MCTP2: variants seen among roughly 807,000 people sequenced by gnomAD.
MCTP2 encodes the protein multiple C2 and transmembrane domain containing 2, also known as multiple C2 and transmembrane domain-containing protein 2.
In MCTP2, 132 loss-of-function variants were observed where a neutral mutation model predicts 111.6. The observed-to-expected ratio is 1.18, with a 90% CI of 1.03 to 1.37. The LOEUF is 1.37. Ranked by LOEUF, MCTP2 falls within the 40% of genes most tolerant of loss-of-function variation. The pLI is 0.00. For missense variants in MCTP2, 1,183 were observed against 1,067.9 expected, an observed-to-expected ratio of 1.11 and a Z score of -1.50; for synonymous variants, 395 against 387.7, an observed-to-expected ratio of 1.02 and a Z score of -0.22.
chr15:94,361,472 T>C (rs2078938981), intron 10 of MCTP2, among the ~76,000 whole-genome samples: 1 of 152,284 alleles, frequency 6.6e-6, no homozygotes, highest in East Asian at 1.9e-4. Flanking sequence ...AGTCTGGCTC[T>C]GTATCTGTAT....
At chr15:94,478,409 G>T (rs1173067574) in intron 22 of MCTP2, among the ~76,000 whole-genome samples, 1 of 152,086 alleles carries the variant, frequency 6.6e-6, no homozygotes. Context: ...TTGCCACTGG[G>T]GACTCCCAAG....
intron 17 of MCTP2, among the ~76,000 whole-genome samples, chr15:94,439,532 G>A (rs1005661271): frequency 6.6e-6 from 1 of 152,078 alleles, no homozygotes; most frequent in Non-Finnish European, 1.5e-5. Flanking sequence ...CCATCTACCT[G>A]CATTCATGTC....
Position 94,468,020 on chromosome 15 carries a change from C to G in MCTP2, c.2361-2313C>G, listed in dbSNP as rs1301391504. On this transcript the variant is annotated intron_variant, in intron 20 of 22. Transcript: ENST00000357742. ...AAGCCTGGCCAAATCTAGACATTGA[C>G]AAGGAAAAACTGATAAATTTGTTCA... 4.0e-5 allele frequency among the ~76,000 whole-genome samples: 6 copies of G among 151,654 alleles called. No homozygotes were observed. The East Asian group carries it at 9.6e-4, about 24-fold the overall frequency.
intron 2 of MCTP2, among the ~76,000 whole-genome samples, chr15:94,301,319 G>A (rs906816750): frequency 2.6e-5 from 4 of 152,118 alleles, no homozygotes; most frequent in African/African-American, 7.2e-5. Flanking sequence ...TGCCCACCCA[G>A]CTCCCTCCTC....
At position 94,236,377 on chromosome 15, in the gene MCTP2, CTTTTTTTTTTTT is replaced by C. The variant is rs71132992; in HGVS notation, c.-66+4730_-66+4741del. 1.2e-3 allele frequency among the ~76,000 whole-genome samples: 89 copies of C among 72,520 alleles called. 2 individuals are homozygous for C. The East Asian group carries it at 0.031, about 25-fold the overall frequency. The allele number at this position is 72,520 out of a possible 152,430, so 47.6% of individuals were successfully genotyped here. On this transcript the variant is annotated intron_variant, in intron 1 of 22. Transcript: ENST00000357742. ...TATGATTCAATCCTTTCTTTTTTTT[CTTTTTTTTTTTT>C]TTTTTTTTTTTTTTTTACGAAATAG...
At chr15:94,433,516 T>C (rs1271438016) in intron 17 of MCTP2, among the ~76,000 whole-genome samples, 1 of 152,196 alleles carries the variant, frequency 6.6e-6, no homozygotes. Context: ...TATATTCACT[T>C]TTTTGTTGAC....
chr15:94,350,047 A>G (rs1271307164), intron 8 of MCTP2, among the ~76,000 whole-genome samples: 1 of 152,142 alleles, frequency 6.6e-6, no homozygotes, highest in Non-Finnish European at 1.5e-5. Context: ...TCAATCAGCA[A>G]CTCTGGAAAT....
intron 4 of MCTP2, among the ~76,000 whole-genome samples, chr15:94,317,304 A>G (rs2076417555): frequency 1.3e-5 from 2 of 151,862 alleles, no homozygotes; most frequent in Admixed American, 6.6e-5. Context: ...TGTGGATGTT[A>G]TTTTTGCTTA....
At chr15:94,314,452 AT>A in intron 3 of MCTP2, 108 bp downstream of exon 3, 3 of 807,536 alleles carry the variant, frequency 3.7e-6, no homozygotes, top group East Asian at 5.5e-5. Context: ...AAAAAAAAAA[AT>A]GCCAAACCGT....
chr15:94,368,778 A>G (rs1214048029), intron 11 of MCTP2, among the ~76,000 whole-genome samples: 1 of 152,228 alleles, frequency 6.6e-6, no homozygotes, highest in East Asian at 1.9e-4. Flanking sequence ...AAGCTTTCCA[A>G]TGGATAAGTT....
At chr15:94,244,770 A>T (rs542361626) in intron 1 of MCTP2, among the ~76,000 whole-genome samples, 2 of 149,180 alleles carry the variant, frequency 1.3e-5, no homozygotes, top group Non-Finnish European at 3.0e-5. Flanking sequence ...TTATATTCGT[A>T]TATGTATACA....
At chr15:94,299,053 C>T (rs1450615679) in intron 2 of MCTP2, among the ~76,000 whole-genome samples, 5 of 133,744 alleles carry the variant, frequency 3.7e-5, no homozygotes, top group Non-Finnish European at 7.9e-5. Context: ...CTTCCCCTTC[C>T]CCTCCCTTTG....
At chr15:94,284,826 G>GA (rs2074675048) in intron 1 of MCTP2, among the ~76,000 whole-genome samples, 1 of 107,404 alleles carries the variant, frequency 9.3e-6, no homozygotes, top group East Asian at 2.5e-4. Context: ...TGAGGTATAT[G>GA]AAAAATAGCA....
intron 14 of MCTP2, among the ~76,000 whole-genome samples, chr15:94,397,733 A>G (rs2081353276): frequency 6.6e-6 from 1 of 152,136 alleles, no homozygotes; most frequent in South Asian, 2.1e-4. Context: ...CATTTCTACC[A>G]CTGTTTATAA....
intron 14 of MCTP2, among the ~76,000 whole-genome samples, chr15:94,389,661 TTCTC>T (rs2080754936): frequency 6.6e-6 from 1 of 152,156 alleles, no homozygotes; most frequent in African/African-American, 2.4e-5. Context: ...TTGTTGGTGT[TTCTC>T]TCTGATCTTT....
Position 94,435,629 on chromosome 15 carries a change from C to CTTTTTTTTTTTTTTTTTTTTTTTTTTT in MCTP2, c.2086-4527_2086-4526insTTTTTTTTTTTTTTTTTTTTTTTTTTT, listed in dbSNP as rs202170550. Among the ~76,000 whole-genome samples the CTTTTTTTTTTTTTTTTTTTTTTTTTTT allele has an allele frequency of 9.3e-5, 11 of 117,920 alleles. 1 individual carries two copies. Among genetic ancestry groups the CTTTTTTTTTTTTTTTTTTTTTTTTTTT allele is most frequent in the Middle Eastern group, 4.3e-3 (1 of 230 alleles). 77.4% of individuals were successfully genotyped at this position (117,920 alleles called of 152,430 possible). A position where few individuals can be genotyped will look rare whatever the true frequency, so the allele number is the denominator to read the frequency against. ...CTAAAAAAGTTGTACTTTTTTTATT[C>CTTTTTTTTTTTTTTTTTTTTTTTTTTT]TTTTTTTTTTTTTTTTTTTTGAGAC... On this transcript the variant is annotated intron_variant, in intron 17 of 22. Transcript: ENST00000357742.
chr15:94,374,817 C>A lies in MCTP2; in HGVS notation c.1582+4637C>A, dbSNP rs549085424. Among the ~76,000 whole-genome samples the A allele has an allele frequency of 1.6e-4, 25 of 152,218 alleles. No homozygotes were observed. In the South Asian group the frequency reaches 5.2e-3, roughly 32 times the overall value. On this transcript the variant is annotated intron_variant, in intron 12 of 22. Transcript: ENST00000357742. ...AAACTTAGGGGAGTTTACTTTAACT[C>A]ACCATGCCAAGAGTAGCAACAAAGC...
chr15:94,431,973 C>T (rs1395214051), intron 17 of MCTP2, among the ~76,000 whole-genome samples: 1 of 152,140 alleles, frequency 6.6e-6, no homozygotes, highest in East Asian at 1.9e-4. Context: ...TCAAAGACCA[C>T]TCCAGTGGTT....
At position 94,384,099 on chromosome 15, in the gene MCTP2, C is replaced by G. The variant is rs752343004; in HGVS notation, c.1660C>G (p.Pro554Ala). 12 of 1,613,616 alleles carry G rather than the reference C, an allele frequency of 7.4e-6. No individual in the cohort carries two copies. The highest frequency in any genetic ancestry group is 9.3e-6 in the Non-Finnish European group (11 of 1,179,720). ...QTHTVYKNLN[P>A]EWNKVFTFPI... ...GCATACCGTCTACAAAAACCTCAAC[C>G]CTGAATGGAACAAAGTTTTTACATT... The change falls in exon 13 of 23, where the codon CCT becomes GCT. Residue 554 changes from proline to alanine, a missense_variant. Pro to Ala is a conservative substitution (Grantham distance 27). Transcript: ENST00000357742.
Sources: allele counts gnomAD v4.1 joint callset (sites outside exome capture counted in the v4.1 genomes callset), GRCh38; gene constraint gnomAD v4.1.1; transcripts MANE v1.5; gene names NCBI Gene and HGNC (gene_info 2026-07-23, HGNC 2026-07-21).